The following LGR5 variants were observed in gnomAD, a reference collection of about 807,000 sequenced individuals.
The protein encoded by LGR5 is leucine rich repeat containing G protein-coupled receptor 5, also known as leucine-rich repeat-containing G protein-coupled receptor 5.
In LGR5, 54 loss-of-function variants were observed where a neutral mutation model predicts 76.7. The ratio of observed to expected loss-of-function variants is 0.70; its 90% CI spans 0.57 to 0.88. The LOEUF is 0.88. Among genes scored for constraint, LGR5 ranks in the 40% least tolerant of loss-of-function variants. The pLI, the probability that LGR5 is intolerant of heterozygous loss-of-function variation, is 0.00. For missense variants in LGR5, 1,078 were observed against 1,073.3 expected, an observed-to-expected ratio of 1.00 and a Z score of -0.06; for synonymous variants, 406 against 421.9, an observed-to-expected ratio of 0.96 and a Z score of 0.46.
chr12:71,563,422 A>G (rs1046094315), intron 8 of LGR5, among the ~76,000 whole-genome samples: 1 of 152,140 alleles, frequency 6.6e-6, no homozygotes, highest in Non-Finnish European at 1.5e-5. Context: ...GGCAGCACTC[A>G]TCTTCCTTGA....
At chr12:71,529,658 A>C (rs1240978082) in intron 3 of LGR5, among the ~76,000 whole-genome samples, 1 of 152,124 alleles carries the variant, frequency 6.6e-6, no homozygotes, top group Non-Finnish European at 1.5e-5. Context: ...CTTATTCTTT[A>C]AAAGTAGAGG....
At chr12:71,563,849 A>AGTGTGTGTGT (rs147621030) in intron 8 of LGR5, among the ~76,000 whole-genome samples, 5 of 146,410 alleles carry the variant, frequency 3.4e-5, no homozygotes, top group African/African-American at 1.0e-4. Flanking sequence ...ATACCTGCCC[A>AGTGTGTGTGT]GTGTGTGTGT....
In LGR5 at chr12:71,524,408, G is replaced by T. The variant is rs770097383; in HGVS notation, c.287G>T (p.Arg96Leu). Residue 96 changes from arginine to leucine, a missense_variant and splice_region_variant, in exon 3 of 18, where the codon CGT becomes CTT. Coordinates refer to ENST00000266674, the MANE Select transcript of LGR5 (RefSeq NM_003667.4). Reference protein sequence around the residue: ...LPSLRFLEELRLAGNALTYIP... With the variant: ...LPSLRFLEELLLAGNALTYIP... Reference sequence around the variant, plus strand: ...CTCCTCTCCATTGAAACCCACAGACGTCTTGCGGGAAACGCTCTGACATAC... The same window carrying T: ...CTCCTCTCCATTGAAACCCACAGACTTCTTGCGGGAAACGCTCTGACATAC... 4 of 1,611,064 alleles carry T rather than the reference G, an allele frequency of 2.5e-6. No individual in the cohort carries two copies. Among genetic ancestry groups the T allele is most frequent in the Non-Finnish European group, 1.7e-6 (2 of 1,178,046 alleles).
intron 1 of LGR5, among the ~76,000 whole-genome samples, chr12:71,475,648 C>T (rs865997448): frequency 1.3e-5 from 2 of 152,114 alleles, no homozygotes; most frequent in Non-Finnish European, 2.9e-5. Flanking sequence ...CTCACTCATC[C>T]CCCCCTTATC....
intron 1 of LGR5, among the ~76,000 whole-genome samples, chr12:71,447,662 T>C (rs1459607673): frequency 3.3e-5 from 5 of 152,212 alleles, no homozygotes; most frequent in African/African-American, 7.2e-5. Context: ...GGGAAGAAAG[T>C]GTCTCGTGCA....
intron 2 of LGR5, among the ~76,000 whole-genome samples, chr12:71,521,120 T>C (rs77562424): frequency 0.051 from 7,711 of 152,252 alleles, 242 homozygotes; most frequent in Middle Eastern, 0.12. Flanking sequence ...AATTGCAAGC[T>C]AACAATAGGA....
At chr12:71,547,168 G>T (rs55809463) in intron 4 of LGR5, among the ~76,000 whole-genome samples, 1 of 152,116 alleles carries the variant, frequency 6.6e-6, no homozygotes, top group Non-Finnish European at 1.5e-5. Context: ...TAAAAACTCC[G>T]TTCTTGCACC....
chr12:71,488,767 G>A (rs1873943366), intron 1 of LGR5, among the ~76,000 whole-genome samples: 1 of 152,144 alleles, frequency 6.6e-6, no homozygotes, highest in African/African-American at 2.4e-5. Context: ...TTTTGGCCAA[G>A]TTAATCCAAT....
chr12:71,563,849 AGTGT>A lies in LGR5; in HGVS notation c.857+2018_857+2021del, dbSNP rs147621030. On this transcript the variant is annotated intron_variant, in intron 8 of 17. Coordinates refer to ENST00000266674, the MANE Select transcript of LGR5 (RefSeq NM_003667.4). ...CAAGCATGTATATTCATACCTGCCCAGTGTGTGTGTGTGTGTGTGTGTGTATATA... is the reference window on the plus strand; with the variant it reads ...CAAGCATGTATATTCATACCTGCCCAGTGTGTGTGTGTGTGTGTGTATATA... Among the ~76,000 whole-genome samples, 35 of 146,448 alleles carry A rather than the reference AGTGT, an allele frequency of 2.4e-4. 1 individual carries two copies. The highest frequency in any genetic ancestry group is 2.7e-4 in the Admixed American group (4 of 14,722).
At chr12:71,476,136 C>T (rs11835622) in intron 1 of LGR5, among the ~76,000 whole-genome samples, 4,821 of 152,174 alleles carry the variant, frequency 0.032, 242 homozygotes, top group African/African-American at 0.1. Context: ...CACCCAAACC[C>T]ACCAGTTCCA....
At chr12:71,526,849 A>G (rs781714999) in intron 3 of LGR5, among the ~76,000 whole-genome samples, 27 of 152,168 alleles carry the variant, frequency 1.8e-4, no homozygotes, top group Non-Finnish European at 3.2e-4. Flanking sequence ...ACTAGGAATT[A>G]GCCACCCAAA....
At chr12:71,538,689 T>G (rs946617679) in intron 4 of LGR5, among the ~76,000 whole-genome samples, 2 of 151,924 alleles carry the variant, frequency 1.3e-5, no homozygotes, top group Non-Finnish European at 2.9e-5. Context: ...TCTCTAAAAA[T>G]AATTAAGTAA....
chr12:71,495,867 G>A (rs1437845837), intron 1 of LGR5, among the ~76,000 whole-genome samples: 2 of 146,454 alleles, frequency 1.4e-5, no homozygotes, highest in East Asian at 3.9e-4. Flanking sequence ...TTACTTATCA[G>A]TGTATAGTTT....
chr12:71,439,420 G>A (rs1039978310), upstream of LGR5, among the ~76,000 whole-genome samples: 3 of 152,128 alleles, frequency 2.0e-5, no homozygotes, highest in Non-Finnish European at 4.4e-5. Context: ...AAGCGGGCTC[G>A]GAGGAAACGT....
At chr12:71,452,699 G>A (rs946423048) in intron 1 of LGR5, among the ~76,000 whole-genome samples, 4 of 152,180 alleles carry the variant, frequency 2.6e-5, no homozygotes, top group Non-Finnish European at 5.9e-5. Flanking sequence ...CTATCAACAT[G>A]AGAACATCTC....
At chr12:71,500,635 A>AT (rs976463304) in intron 1 of LGR5, among the ~76,000 whole-genome samples, 19 of 151,374 alleles carry the variant, frequency 1.3e-4, no homozygotes, top group Non-Finnish European at 2.7e-4. Flanking sequence ...TTTATTTTTT[A>AT]TTTTTTTGTA....
intron 1 of LGR5, among the ~76,000 whole-genome samples, chr12:71,498,694 G>A (rs1874447605): frequency 6.6e-6 from 1 of 152,150 alleles, no homozygotes; most frequent in Non-Finnish European, 1.5e-5. Flanking sequence ...TATGAATTTG[G>A]GGGAACACAA....
chr12:71,559,739 T>C (rs1276847583), intron 7 of LGR5, 85 bp downstream of exon 7: 4 of 725,798 alleles, frequency 5.5e-6, no homozygotes, highest in Non-Finnish European at 9.4e-6. Context: ...TTACATAATA[T>C]GACTTGCTAG....
At chr12:71,461,270 T>C (rs12811973) in intron 1 of LGR5, among the ~76,000 whole-genome samples, 29 of 152,142 alleles carry the variant, frequency 1.9e-4, no homozygotes, top group African/African-American at 5.6e-4. Context: ...CTGGGAATGA[T>C]AGTTTATTCA....
Sources: gnomAD v4.1 joint callset for allele counts (sites outside exome capture counted in the v4.1 genomes callset) on GRCh38, gnomAD v4.1.1 for gene constraint, MANE v1.5 for transcripts, NCBI Gene and HGNC (gene_info 2026-07-23, HGNC 2026-07-21) for gene names.